Variants in VMP1 observed in about 807,000 individuals in gnomAD.
The protein encoded by VMP1 is ectopic P-granules autophagy protein 3 homolog.
A neutral mutation model predicts 56.0 loss-of-function variants in VMP1; 11 were observed. The ratio of observed to expected loss-of-function variants is 0.20; its 90% CI spans 0.12 to 0.32. The LOEUF is 0.32. Among genes scored for constraint, VMP1 ranks in the 10% least tolerant of loss-of-function variants. The pLI is 1.00. For synonymous variants in VMP1, 149 were observed against 165.0 expected, an observed-to-expected ratio of 0.90 and a Z score of 0.74; for missense variants, 296 against 490.3, an observed-to-expected ratio of 0.60 and a Z score of 3.74.
At chr17:59,709,923 C>A (rs1422054914) in intron 1 of VMP1, among the ~76,000 whole-genome samples, 2 of 152,118 alleles carry the variant, frequency 1.3e-5, no homozygotes, top group Non-Finnish European at 2.9e-5. Context: ...TTGGGCCGGG[C>A]GCGGTGGTTC....
intron 5 of VMP1, among the ~76,000 whole-genome samples, chr17:59,758,403 T>G (rs187292783): frequency 5.4e-4 from 82 of 152,234 alleles, no homozygotes; most frequent in African/African-American, 1.9e-3. Flanking sequence ...TTCAACTATG[T>G]ATGTGCCAGG....
chr17:59,760,672 G>A (rs2036017058), intron 5 of VMP1, among the ~76,000 whole-genome samples: 1 of 152,092 alleles, frequency 6.6e-6, no homozygotes, highest in Non-Finnish European at 1.5e-5. Flanking sequence ...TCAGGCTGGA[G>A]TGCAGTGGCG....
chr17:59,802,052 T>G (rs2037688168), intron 7 of VMP1, among the ~76,000 whole-genome samples: 1 of 151,688 alleles, frequency 6.6e-6, no homozygotes, highest in Non-Finnish European at 1.5e-5. Context: ...AATACAAAAA[T>G]TAGCTGGGCA....
At chr17:59,831,455 C>G (rs1036942503) in intron 10 of VMP1, among the ~76,000 whole-genome samples, 1 of 152,144 alleles carries the variant, frequency 6.6e-6, no homozygotes, top group African/African-American at 2.4e-5. Flanking sequence ...CAAGCATGAC[C>G]CATCACACCC....
intron 7 of VMP1, among the ~76,000 whole-genome samples, chr17:59,793,148 G>A (rs1317819548): frequency 1.8e-5 from 2 of 110,626 alleles, no homozygotes; most frequent in African/African-American, 5.3e-5. Context: ...AACGTGCTAG[G>A]ATTACAGGCA....
intron 1 of VMP1, among the ~76,000 whole-genome samples, chr17:59,719,398 T>G (rs1384244629): frequency 6.6e-6 from 1 of 152,206 alleles, no homozygotes; most frequent in Non-Finnish European, 1.5e-5. Flanking sequence ...ATTGGCTATC[T>G]TTGTGTGCCT....
chr17:59,823,331 A>G (rs2038516911), intron 10 of VMP1, among the ~76,000 whole-genome samples: 1 of 151,876 alleles, frequency 6.6e-6, no homozygotes, highest in African/African-American at 2.4e-5. Flanking sequence ...CATGCCTGTA[A>G]TCTCAGCTAT....
chr17:59,818,426 A>C (rs2038322296), intron 10 of VMP1, among the ~76,000 whole-genome samples: 3 of 152,180 alleles, frequency 2.0e-5, no homozygotes, highest in Admixed American at 6.5e-5. Flanking sequence ...TAATATTAAC[A>C]AAATTTGTCA....
chr17:59,746,029 T>C (rs1189844510), intron 5 of VMP1, among the ~76,000 whole-genome samples: 5 of 152,214 alleles, frequency 3.3e-5, no homozygotes, highest in South Asian at 2.1e-4. Flanking sequence ...TTTTTGGAAG[T>C]ATCATTTAGT....
chr17:59,822,049 C>T (rs555658235), intron 10 of VMP1, among the ~76,000 whole-genome samples: 1 of 151,846 alleles, frequency 6.6e-6, no homozygotes, highest in African/African-American at 2.4e-5. Flanking sequence ...CACCATTTGG[C>T]CAGGCTGATC....
At chr17:59,808,997 A>C in intron 8 of VMP1, 121 bp downstream of exon 8, 3 of 790,010 alleles carry the variant, frequency 3.8e-6, no homozygotes, top group Non-Finnish European at 5.7e-6. Flanking sequence ...TTTGTGAATC[A>C]TTCACCTTTT....
intron 5 of VMP1, among the ~76,000 whole-genome samples, chr17:59,755,395 C>G (rs1395935165): frequency 6.6e-6 from 1 of 152,126 alleles, no homozygotes; most frequent in African/African-American, 2.4e-5. Flanking sequence ...CAGGCGTGAG[C>G]CACCACACCT....
rs2144035763 is a variant in VMP1 at position 59,773,786 on chromosome 17, A to G, written c.615A>G (p.Pro205=). Residue 205 remains proline, a synonymous_variant, in exon 7 of 12, where the codon CCA becomes CCG. Transcript: ENST00000262291. Reference sequence around the variant, plus strand: ...GTACAGCAATCGGAGAGCTGCCTCCATATTTCATGGCCAGAGCAGCTCGCC... The same window carrying G: ...GTACAGCAATCGGAGAGCTGCCTCCGTATTTCATGGCCAGAGCAGCTCGCC... ...GIGTAIGELP[P]YFMARAARLS... 1 of 1,610,292 alleles carries G rather than the reference A, an allele frequency of 6.2e-7. No homozygotes were observed. The highest frequency in any genetic ancestry group is 8.5e-7 in the Non-Finnish European group (1 of 1,178,948).
At chr17:59,784,221 G>A (rs2036929857) in intron 7 of VMP1, among the ~76,000 whole-genome samples, 1 of 151,252 alleles carries the variant, frequency 6.6e-6, no homozygotes, top group Non-Finnish European at 1.5e-5. Flanking sequence ...AAGTTTTTAA[G>A]TTTAAAAATT....
intron 2 of VMP1, among the ~76,000 whole-genome samples, chr17:59,732,389 T>C (rs1041093413): frequency 1.3e-5 from 2 of 152,130 alleles, no homozygotes; most frequent in African/African-American, 4.8e-5. Flanking sequence ...ATTAAAGGCA[T>C]GCGCCACCAC....
Position 59,829,307 on chromosome 17 carries a change from T to C in VMP1, c.975-8988T>C, listed in dbSNP as rs964026367. Among the ~76,000 whole-genome samples, 4 of 152,346 alleles carry C rather than the reference T, an allele frequency of 2.6e-5. No individual in the cohort carries two copies. In the East Asian group the frequency reaches 5.8e-4, roughly 22 times the overall value. ...TAATAAAGGGCTGAAAGGCTGTAGA[T>C]ATTAATGAGTCAGCATGATGGCCTT... is the stretch of plus-strand genomic sequence containing the variant. On this transcript the variant is annotated intron_variant, in intron 10 of 11. Transcript: ENST00000262291.
At chr17:59,714,630 C>T (rs917276436) in intron 1 of VMP1, among the ~76,000 whole-genome samples, 30 of 142,462 alleles carry the variant, frequency 2.1e-4, no homozygotes, top group African/African-American at 6.3e-4. Flanking sequence ...GTTGTTCTTG[C>T]GTTTTTGTTT....
chr17:59,708,090 G>T (rs1275945190), intron 1 of VMP1: 1 of 152,236 alleles, frequency 6.6e-6, no homozygotes, highest in African/African-American at 2.4e-5. Flanking sequence ...AAGTGGAGAA[G>T]GTCTTCCCTG....
chr17:59,727,475 T>C (rs2034654327), intron 1 of VMP1, among the ~76,000 whole-genome samples: 1 of 152,172 alleles, frequency 6.6e-6, no homozygotes, highest in Non-Finnish European at 1.5e-5. Flanking sequence ...TGTCTTTTCA[T>C]CTAATTTTAT....
Sources: gnomAD v4.1 joint callset for allele counts (sites outside exome capture counted in the v4.1 genomes callset) on GRCh38, gnomAD v4.1.1 for gene constraint, MANE v1.5 for transcripts, NCBI Gene and HGNC (gene_info 2026-07-23, HGNC 2026-07-21) for gene names.